Variants in ANO3 observed in about 807,000 individuals in gnomAD.
ANO3 encodes anoctamin 3.
Under a neutral mutation model 144.8 loss-of-function variants are expected in ANO3, and 99 were observed. That is an observed-to-expected ratio of 0.68 (90% CI 0.58 to 0.81). The LOEUF is 0.81. Among genes scored for constraint, ANO3 ranks in the 30% least tolerant of loss-of-function variants. ANO3 has a pLI of 0.00. For synonymous variants in ANO3, 414 were observed against 392.6 expected, an observed-to-expected ratio of 1.05 and a Z score of -0.64; for missense variants, 905 against 1,202.2, an observed-to-expected ratio of 0.75 and a Z score of 3.66.
chr11:26,192,033 C>T (rs1358462047), intron 1 of ANO3, among the ~76,000 whole-genome samples: 1 of 152,002 alleles, frequency 6.6e-6, no homozygotes, highest in African/African-American at 2.4e-5. Context: ...TCATAGTATA[C>T]TTTTTAAATG....
intron 14 of ANO3, among the ~76,000 whole-genome samples, chr11:26,564,722 CACACACACACATATATAT>C (rs1403788033): frequency 2.5e-3 from 166 of 66,778 alleles, no homozygotes; most frequent in Non-Finnish European, 3.7e-3. Flanking sequence ...CACACACACA[CACACACACACATATATAT>C]ATATATATAT....
intron 1 of ANO3, among the ~76,000 whole-genome samples, chr11:26,300,439 G>T (rs977932336): frequency 6.6e-6 from 1 of 152,128 alleles, no homozygotes; most frequent in African/African-American, 2.4e-5. Flanking sequence ...AGAAAAAGAG[G>T]AATGACAAAG....
intron 5 of ANO3, among the ~76,000 whole-genome samples, chr11:26,510,144 A>G (rs1025417800): frequency 6.8e-6 from 1 of 146,552 alleles, no homozygotes; most frequent in Admixed American, 7.0e-5. Context: ...AAAAAAAAAA[A>G]AAAAAAAAAG....
chr11:26,234,831 A>AGTCTGAGTTCCAT (rs112543039), intron 1 of ANO3, among the ~76,000 whole-genome samples: 2,723 of 148,926 alleles, frequency 0.018, 40 homozygotes, highest in Non-Finnish European at 0.03. Flanking sequence ...ATGCTTATGG[A>AGTCTGAGTTCCAT]GTCTGCCTTC....
chr11:26,263,413 G>T (rs982093303), intron 1 of ANO3, among the ~76,000 whole-genome samples: 1 of 152,130 alleles, frequency 6.6e-6, no homozygotes, highest in Non-Finnish European at 1.5e-5. Context: ...ATACTTTCAG[G>T]TTCTACCAGG....
At chr11:26,364,194 T>A (rs931495462) in intron 1 of ANO3, among the ~76,000 whole-genome samples, 1 of 151,944 alleles carries the variant, frequency 6.6e-6, no homozygotes, top group African/African-American at 2.4e-5. Context: ...AAATAAGAAA[T>A]TTTTTTTAGT....
chr11:26,449,273 C>T (rs969168544), intron 3 of ANO3, among the ~76,000 whole-genome samples: 1 of 152,150 alleles, frequency 6.6e-6, no homozygotes, highest in Admixed American at 6.5e-5. Context: ...CTTCATAATA[C>T]TTATTACCTA....
At chr11:26,193,080 GC>G (rs1256320500) in intron 1 of ANO3, among the ~76,000 whole-genome samples, 1 of 149,676 alleles carries the variant, frequency 6.7e-6, no homozygotes, top group African/African-American at 2.5e-5. Context: ...CCCTGCCGTT[GC>G]CCCCCACCCC....
chr11:26,552,464 A>T (rs1410622328), intron 12 of ANO3, among the ~76,000 whole-genome samples: 2 of 152,036 alleles, frequency 1.3e-5, no homozygotes, highest in Admixed American at 1.3e-4. Flanking sequence ...AATTCAGGGG[A>T]TACTAAATGG....
chr11:26,386,120 CTT>C (rs1856724560), intron 1 of ANO3, among the ~76,000 whole-genome samples: 1 of 152,038 alleles, frequency 6.6e-6, no homozygotes, highest in African/African-American at 2.4e-5. Context: ...TGGGATAACT[CTT>C]TGTGCTACGA....
chr11:26,473,630 A>G (rs1388573648), intron 4 of ANO3, among the ~76,000 whole-genome samples: 1 of 151,670 alleles, frequency 6.6e-6, no homozygotes, highest in Non-Finnish European at 1.5e-5. Context: ...TATTTTCCAG[A>G]CCACTATTAT....
intron 24 of ANO3, among the ~76,000 whole-genome samples, chr11:26,651,049 G>T (rs2133083133): frequency 6.6e-6 from 1 of 152,186 alleles, no homozygotes; most frequent in Non-Finnish European, 1.5e-5. Context: ...GAGCCTAAAA[G>T]CTTCCCAATT....
intron 14 of ANO3, among the ~76,000 whole-genome samples, chr11:26,584,032 G>A (rs1013980605): frequency 5.3e-5 from 8 of 152,072 alleles, no homozygotes; most frequent in African/African-American, 1.4e-4. Flanking sequence ...GTATAGTACC[G>A]TGGTTTTCAA....
chr11:26,434,375 AC>A (rs960168688), intron 1 of ANO3, among the ~76,000 whole-genome samples: 1 of 152,156 alleles, frequency 6.6e-6, no homozygotes, highest in African/African-American at 2.4e-5. Flanking sequence ...TTTTCAAAAA[AC>A]AAACTCCTGG....
intron 5 of ANO3, among the ~76,000 whole-genome samples, chr11:26,510,371 C>T (rs757338051): frequency 2.0e-5 from 3 of 151,714 alleles, no homozygotes; most frequent in Non-Finnish European, 2.9e-5. Flanking sequence ...CAGAATATTC[C>T]GCCTCCCGCC....
chr11:26,299,844 G>C (rs56383329), intron 1 of ANO3, among the ~76,000 whole-genome samples: 13,031 of 152,218 alleles, frequency 0.086, 680 homozygotes, highest in Non-Finnish European at 0.12. Flanking sequence ...CAGAATATAT[G>C]AGTATACAAT....
At chr11:26,373,496 G>GT (rs1856319533) in intron 1 of ANO3, among the ~76,000 whole-genome samples, 1 of 152,062 alleles carries the variant, frequency 6.6e-6, no homozygotes, top group Non-Finnish European at 1.5e-5. Flanking sequence ...CAATTAAACT[G>GT]CTTTTCTTTA....
intron 1 of ANO3, among the ~76,000 whole-genome samples, chr11:26,335,522 C>T (rs2133892978): frequency 6.6e-6 from 1 of 152,244 alleles, no homozygotes; most frequent in South Asian, 2.1e-4. Context: ...ACAAACTCTC[C>T]TCAATTCATA....
chr11:26,261,886 A>G (rs1243933389), intron 1 of ANO3, among the ~76,000 whole-genome samples: 2 of 152,004 alleles, frequency 1.3e-5, no homozygotes, highest in African/African-American at 4.8e-5. Flanking sequence ...GTGGATCCAA[A>G]ACAATATGCA....
Sources: gnomAD v4.1 joint callset for allele counts (sites outside exome capture counted in the v4.1 genomes callset) on GRCh38, gnomAD v4.1.1 for gene constraint, MANE v1.5 for transcripts, NCBI Gene and HGNC (gene_info 2026-07-23, HGNC 2026-07-21) for gene names.